Variants in NKAIN2 observed in about 807,000 individuals in gnomAD.
NKAIN2 encodes the protein sodium/potassium transporting ATPase interacting 2, also known as sodium/potassium-transporting ATPase subunit beta-1-interacting protein 2.
In NKAIN2, 14 loss-of-function variants were observed where a neutral mutation model predicts 32.6. That is an observed-to-expected ratio of 0.43 (90% CI 0.28 to 0.67). The LOEUF is 0.67. NKAIN2 is among the 30% of genes least tolerant of loss of function. The pLI is 0.17. For missense variants in NKAIN2, 198 were observed against 258.3 expected (o/e 0.77, Z 1.60); for synonymous variants, 80 against 87.2 (o/e 0.92, Z 0.46).
intron 1 of NKAIN2, among the ~76,000 whole-genome samples, chr6:124,101,895 C>T (rs1784907915): frequency 6.6e-6 from 1 of 152,160 alleles, no homozygotes; most frequent in African/African-American, 2.4e-5. Flanking sequence ...TAGATATAAC[C>T]AGCAGGCAGT....
intron 2 of NKAIN2, among the ~76,000 whole-genome samples, chr6:124,287,557 A>G (rs1308433572): frequency 6.6e-6 from 1 of 152,216 alleles, no homozygotes; most frequent in Non-Finnish European, 1.5e-5. Flanking sequence ...TGCTGAAGGA[A>G]AATGAAATAG....
chr6:124,715,964 C>T (rs1237224502), intron 4 of NKAIN2, among the ~76,000 whole-genome samples: 4 of 152,074 alleles, frequency 2.6e-5, no homozygotes, highest in Non-Finnish European at 5.9e-5. Flanking sequence ...AAGTAAAGCC[C>T]CGTGTTTGGG....
chr6:124,457,280 C>T (rs1776359687), intron 3 of NKAIN2, among the ~76,000 whole-genome samples: 1 of 151,920 alleles, frequency 6.6e-6, no homozygotes, highest in African/African-American at 2.4e-5. Context: ...TCAAATTCTT[C>T]TTTCACAAGC....
chr6:123,810,129 A>T (rs916997405), intron 1 of NKAIN2, among the ~76,000 whole-genome samples: 1 of 152,030 alleles, frequency 6.6e-6, no homozygotes, highest in Admixed American at 6.6e-5. Flanking sequence ...AATAGATATT[A>T]ATATCCTCAC....
chr6:124,693,394 C>G (rs1049247076), intron 4 of NKAIN2, among the ~76,000 whole-genome samples: 4 of 152,188 alleles, frequency 2.6e-5, no homozygotes, highest in African/African-American at 9.6e-5. Context: ...TATAAGTACA[C>G]TCTGTGATGT....
chr6:124,748,852 T>TAA (rs1415982134), intron 4 of NKAIN2, among the ~76,000 whole-genome samples: 1 of 13,010 alleles, frequency 7.7e-5, no homozygotes, highest in African/African-American at 9.6e-5. Context: ...AACTTCTAAT[T>TAA]TAAAAAAAAA....
rs572234085 is a variant in NKAIN2, at chr6:124,812,340, T to C, written c.536-6047T>C. Among the ~76,000 whole-genome samples, 182 of 152,320 alleles carry C rather than the reference T, an allele frequency of 1.2e-3. 2 individuals carry two copies. Among genetic ancestry groups the C allele is most frequent in the African/African-American group, 4.2e-3 (174 of 41,580 alleles). ...TCTTCTGTGCTCCAATCAATTGCCT[T>C]ATTTTCCTTTACAGCCTAAAGGGTC... On this transcript the variant is annotated intron_variant, in intron 5 of 6. Transcript: ENST00000368417.
intron 3 of NKAIN2, among the ~76,000 whole-genome samples, chr6:124,459,217 T>C (rs1008948169): frequency 6.6e-6 from 1 of 151,874 alleles, no homozygotes; most frequent in Non-Finnish European, 1.5e-5. Flanking sequence ...CCTGGGAGAT[T>C]GACTGGCTTA....
At chr6:124,708,017 T>C (rs1222759442) in intron 4 of NKAIN2, among the ~76,000 whole-genome samples, 1 of 148,334 alleles carries the variant, frequency 6.7e-6, no homozygotes, top group Non-Finnish European at 1.5e-5. Flanking sequence ...TTGATTTTTG[T>C]ATAAGGTGTA....
At chr6:124,272,429 T>C (rs1260999459) in intron 1 of NKAIN2, among the ~76,000 whole-genome samples, 1 of 152,188 alleles carries the variant, frequency 6.6e-6, no homozygotes, top group Non-Finnish European at 1.5e-5. Flanking sequence ...CCACATGGTG[T>C]TGAGCTTGTG....
chr6:124,029,356 T>C (rs1044386911), intron 1 of NKAIN2, among the ~76,000 whole-genome samples: 1 of 149,810 alleles, frequency 6.7e-6, no homozygotes, highest in Non-Finnish European at 1.5e-5. Flanking sequence ...TCTGGACTCG[T>C]AGGAAAAAAA....
At chr6:123,874,723 T>G (rs756942379) in intron 1 of NKAIN2, among the ~76,000 whole-genome samples, 14 of 152,156 alleles carry the variant, frequency 9.2e-5, no homozygotes, top group Non-Finnish European at 1.8e-4. Flanking sequence ...GCCTATAAAA[T>G]ATTTTTATCA....
intron 5 of NKAIN2, among the ~76,000 whole-genome samples, chr6:124,794,285 G>T (rs1032608252): frequency 6.6e-6 from 1 of 152,024 alleles, no homozygotes; most frequent in East Asian, 1.9e-4. Context: ...GCCCCTCTCC[G>T]ACCTGGACAC....
intron 1 of NKAIN2, among the ~76,000 whole-genome samples, chr6:123,864,817 G>A (rs941445730): frequency 5.9e-5 from 9 of 152,164 alleles, no homozygotes; most frequent in African/African-American, 2.2e-4. Context: ...GCTAAAAAGT[G>A]TGCTAACTGA....
chr6:124,239,294 A>G (rs1792947373), intron 1 of NKAIN2, among the ~76,000 whole-genome samples: 1 of 152,050 alleles, frequency 6.6e-6, no homozygotes, highest in Non-Finnish European at 1.5e-5. Context: ...CTCCCACACA[A>G]TAATAGTGGC....
At chr6:123,925,562 A>G (rs1223554802) in intron 1 of NKAIN2, among the ~76,000 whole-genome samples, 4 of 152,206 alleles carry the variant, frequency 2.6e-5, no homozygotes, top group African/African-American at 9.6e-5. Flanking sequence ...TATACATTAC[A>G]CTACAAGTTG....
intron 3 of NKAIN2, among the ~76,000 whole-genome samples, chr6:124,637,380 A>G (rs1442450190): frequency 6.6e-6 from 1 of 152,016 alleles, no homozygotes; most frequent in Non-Finnish European, 1.5e-5. Flanking sequence ...TAGTACTAAA[A>G]TGTCTAGCAA....
At chr6:124,485,655 G>A (rs1777620538) in intron 3 of NKAIN2, among the ~76,000 whole-genome samples, 1 of 151,912 alleles carries the variant, frequency 6.6e-6, no homozygotes. Flanking sequence ...AATTTCATGG[G>A]GACCCCTCAG....
At chr6:123,910,502 T>TTTTTTTTTTGTTTTTTTTTTG (rs1775121353) in intron 1 of NKAIN2, among the ~76,000 whole-genome samples, 1 of 125,470 alleles carries the variant, frequency 8.0e-6, no homozygotes, top group African/African-American at 3.3e-5. Flanking sequence ...AATGCATGTT[T>TTTTTTTTTTGTTTTTTTTTTG]TTTTTTTTTT....
Sources: allele counts gnomAD v4.1 joint callset (sites outside exome capture counted in the v4.1 genomes callset), GRCh38; gene constraint gnomAD v4.1.1; transcripts MANE v1.5; gene names NCBI Gene and HGNC (gene_info 2026-07-23, HGNC 2026-07-21).